The following GALNT2 variants were observed in gnomAD, a reference collection of about 807,000 sequenced individuals.
The protein encoded by GALNT2 is UDP-GalNAc:polypeptide N-acetylgalactosaminyltransferase 2.
Under a neutral mutation model 81.4 loss-of-function variants are expected in GALNT2, and 31 were observed. The ratio of observed to expected loss-of-function variants is 0.38; its 90% CI spans 0.29 to 0.51. GALNT2 has a LOEUF of 0.51. Ranked by LOEUF, GALNT2 falls within the 20% of genes least tolerant of loss-of-function variation. GALNT2 has a pLI of 0.87. For synonymous variants in GALNT2, 303 were observed against 287.4 expected (o/e 1.05, Z -0.55); for missense variants, 629 against 765.7 (o/e 0.82, Z 2.11).
Position 230,213,471 on chromosome 1 carries a change from A to C in GALNT2, c.374+10181A>C, listed in dbSNP as rs573159482. The stretch of plus-strand genomic sequence containing the variant: ...TCTTTCTTTGGTTTCATGTTTTTGC[A>C]TGGTATACATTTTCCCATGCTTTCA... On this transcript the variant is annotated intron_variant, in intron 3 of 15. Coordinates refer to ENST00000366672, the MANE Select transcript of GALNT2 (RefSeq NM_004481.5). 2.6e-5 allele frequency among the ~76,000 whole-genome samples: 4 copies of C among 152,300 alleles called. No individual in the cohort carries two copies. The South Asian group carries it at 8.3e-4, about 32-fold the overall frequency.
intron 2 of GALNT2, among the ~76,000 whole-genome samples, chr1:230,181,797 G>C (rs1663168690): frequency 6.6e-6 from 1 of 152,218 alleles, no homozygotes; most frequent in Non-Finnish European, 1.5e-5. Flanking sequence ...TTCTGGAAGA[G>C]ATTGTAGAGA....
At chr1:230,111,026 T>C (rs1660687789) in intron 1 of GALNT2, among the ~76,000 whole-genome samples, 1 of 152,256 alleles carries the variant, frequency 6.6e-6, no homozygotes, top group Admixed American at 6.5e-5. Context: ...CATGCGTGTG[T>C]ACGTATATAT....
At chr1:230,072,359 G>GGGCGGGGGT (rs1659401200) in intron 1 of GALNT2, among the ~76,000 whole-genome samples, 1 of 151,390 alleles carries the variant, frequency 6.6e-6, no homozygotes, top group Non-Finnish European at 1.5e-5. Context: ...AGGTGTGGTG[G>GGGCGGGGGT]GGCGGGGGTG....
chr1:230,089,808 C>T (rs756132905), intron 1 of GALNT2, among the ~76,000 whole-genome samples: 10 of 152,168 alleles, frequency 6.6e-5, no homozygotes, highest in East Asian at 3.8e-4. Context: ...TTATACATTA[C>T]GCTGCTAACA....
chr1:230,133,449 C>CTT (rs71934973), intron 1 of GALNT2, among the ~76,000 whole-genome samples: 16 of 140,332 alleles, frequency 1.1e-4, no homozygotes, highest in South Asian at 2.3e-4. Context: ...TTTCTTTTTT[C>CTT]TTTTTTTTTT....
intron 1 of GALNT2, among the ~76,000 whole-genome samples, chr1:230,106,673 C>T (rs1389526952): frequency 6.6e-6 from 1 of 152,212 alleles, no homozygotes; most frequent in East Asian, 1.9e-4. Flanking sequence ...TGTTTGGCCT[C>T]TCCTGTCATT....
At chr1:230,201,797 G>A (rs1455733642) in intron 2 of GALNT2, among the ~76,000 whole-genome samples, 1 of 152,130 alleles carries the variant, frequency 6.6e-6, no homozygotes, top group Non-Finnish European at 1.5e-5. Context: ...TTTGCACTGC[G>A]GTGCCCTATT....
chr1:230,239,651 C>T (rs1248866662), intron 6 of GALNT2, among the ~76,000 whole-genome samples: 1 of 152,230 alleles, frequency 6.6e-6, no homozygotes, highest in African/African-American at 2.4e-5. Flanking sequence ...AGTTCATTTA[C>T]ATGTGGCGTA....
chr1:230,134,367 A>T (rs1160642136), intron 1 of GALNT2, among the ~76,000 whole-genome samples: 1 of 152,174 alleles, frequency 6.6e-6, no homozygotes, highest in Non-Finnish European at 1.5e-5. Flanking sequence ...TTGGCCTCCC[A>T]AAGTGCTGGG....
At chr1:230,268,905 C>T (rs1027948432) in intron 14 of GALNT2, among the ~76,000 whole-genome samples, 2 of 152,218 alleles carry the variant, frequency 1.3e-5, no homozygotes, top group African/African-American at 4.8e-5. Flanking sequence ...AGCGCCCATT[C>T]CTTGCCTCTG....
chr1:230,159,269 A>T (rs988796322), intron 1 of GALNT2, among the ~76,000 whole-genome samples: 12 of 152,194 alleles, frequency 7.9e-5, no homozygotes, highest in African/African-American at 2.9e-4. Flanking sequence ...CCGCAATCAC[A>T]TTTAATGCCC....
intron 1 of GALNT2, among the ~76,000 whole-genome samples, chr1:230,140,422 C>T (rs1405705860): frequency 6.6e-6 from 1 of 152,252 alleles, no homozygotes; most frequent in African/African-American, 2.4e-5. Context: ...TGCCCCAGCC[C>T]CTGGACAGCA....
rs767782077 is a variant in GALNT2 at position 230,203,235 on chromosome 1, G to T, written c.319G>T (p.Val107Leu). ...DPYARNKFNQ[V>L]ESDKLRMDRA... ...TTACGCCCGCAACAAGTTCAACCAGGTGGAGAGTGATAAGCTTCGAATGGA... is the reference window on the plus strand; with the variant it reads ...TTACGCCCGCAACAAGTTCAACCAGTTGGAGAGTGATAAGCTTCGAATGGA... Residue 107 changes from valine to leucine, a missense_variant, in exon 3 of 16, where the codon GTG (valine) becomes TTG (leucine). By Grantham distance (32) the Val-to-Leu change is conservative (BLOSUM62 1). This residue lies in a region of GALNT2 where 360 missense variants were observed against 492.8 expected (regional missense o/e 0.73). Transcript: ENST00000366672. The T allele has an allele frequency of 6.2e-7, 1 of 1,614,210 alleles. No individual in the cohort carries two copies. Among genetic ancestry groups the T allele is most frequent in the Non-Finnish European group, 8.5e-7 (1 of 1,180,032 alleles).
chr1:230,270,164 A>G (rs554600887), intron 14 of GALNT2, among the ~76,000 whole-genome samples: 150 of 152,292 alleles, frequency 9.8e-4, no homozygotes, highest in Middle Eastern at 6.8e-3. Context: ...TCGCACCACT[A>G]TACTCCAGCC....
intron 2 of GALNT2, among the ~76,000 whole-genome samples, chr1:230,196,833 C>T (rs1663711115): frequency 6.6e-6 from 1 of 152,116 alleles, no homozygotes; most frequent in Non-Finnish European, 1.5e-5. Context: ...AAGGAAGGTG[C>T]CCATGGCATG....
intron 1 of GALNT2, among the ~76,000 whole-genome samples, chr1:230,160,759 G>A (rs1662407856): frequency 6.6e-6 from 1 of 151,800 alleles, no homozygotes; most frequent in Non-Finnish European, 1.5e-5. Flanking sequence ...GGTTCTATCA[G>A]AGATGGCTCT....
intron 1 of GALNT2, among the ~76,000 whole-genome samples, chr1:230,086,975 G>A (rs1353578087): frequency 6.6e-6 from 1 of 152,192 alleles, no homozygotes; most frequent in Non-Finnish European, 1.5e-5. Context: ...ACTGCATGAA[G>A]CTGTCACAAG....
At chr1:230,207,968 A>G (rs1470956452) in intron 3 of GALNT2, among the ~76,000 whole-genome samples, 7 of 152,182 alleles carry the variant, frequency 4.6e-5, no homozygotes, top group Non-Finnish European at 1.0e-4. Flanking sequence ...GGTACATGTG[A>G]GATTTTGATA....
At chr1:230,087,680 G>A (rs936780895) in intron 1 of GALNT2, among the ~76,000 whole-genome samples, 30 of 152,238 alleles carry the variant, frequency 2.0e-4, no homozygotes, top group Admixed American at 1.9e-3. Flanking sequence ...AGCTGGTTAG[G>A]AAGGCGTCGC....
Sources: allele counts gnomAD v4.1 joint callset (sites outside exome capture counted in the v4.1 genomes callset), GRCh38; gene constraint gnomAD v4.1.1; regional missense constraint gnomAD v4.1.1; transcripts MANE v1.5; gene names NCBI Gene and HGNC (gene_info 2026-07-23, HGNC 2026-07-21).